TRDN: variants seen among roughly 807,000 people sequenced by gnomAD.
TRDN encodes the protein triadin, also known as triadin in skeletal muscle.
TRDN carries 161 observed loss-of-function variants against 149.7 expected under a neutral mutation model. The ratio of observed to expected loss-of-function variants is 1.08; its 90% CI spans 0.95 to 1.23. The LOEUF is 1.23. TRDN is among the 50% of genes most tolerant of loss of function. TRDN has a pLI of 0.00. For missense variants in TRDN, 896 were observed against 823.5 expected, an observed-to-expected ratio of 1.09 and a Z score of -1.08; for synonymous variants, 294 against 250.5, an observed-to-expected ratio of 1.17 and a Z score of -1.64.
chr6:123,377,994 G>T lies in TRDN; in HGVS notation c.1187-96C>A, dbSNP rs1781574413. 75 of 814,642 alleles carry T rather than the reference G, an allele frequency of 9.2e-5. 1 individual carries two copies. In the South Asian group the frequency reaches 1.3e-3, roughly 14 times the overall value. 50.5% of individuals were successfully genotyped at this position (814,642 alleles called of 1,614,324 possible). A position where few individuals can be genotyped will look rare whatever the true frequency, so the allele number is the denominator to read the frequency against. On this transcript the variant is annotated intron_variant, in intron 16 of 40. Transcript: ENST00000334268. ...TTTTAACACAAAGAAACATGCATGT[G>T]CTGATGCCAGATTGCAGCAACTAAT...
chr6:123,322,624 T>C (rs1051635518), intron 23 of TRDN, among the ~76,000 whole-genome samples: 1 of 103,322 alleles, frequency 9.7e-6, no homozygotes, highest in Non-Finnish European at 2.0e-5. Context: ...TTATTATTAT[T>C]ATTATTATTA....
chr6:123,546,031 A>G (rs905101691), intron 4 of TRDN, among the ~76,000 whole-genome samples: 1 of 152,096 alleles, frequency 6.6e-6, no homozygotes, highest in Non-Finnish European at 1.5e-5. Flanking sequence ...TCCATTTCCA[A>G]TGAAAATAAA....
intron 24 of TRDN, among the ~76,000 whole-genome samples, chr6:123,310,487 T>C (rs936341365): frequency 1.3e-5 from 2 of 152,042 alleles, no homozygotes; most frequent in Non-Finnish European, 2.9e-5. Context: ...TTTGATAATG[T>C]AGCTTTTATG....
At chr6:123,563,964 C>T (rs1415349877) in intron 2 of TRDN, among the ~76,000 whole-genome samples, 1 of 152,114 alleles carries the variant, frequency 6.6e-6, no homozygotes, top group Admixed American at 6.5e-5. Context: ...AAAACAATAT[C>T]CGGTTTTACC....
chr6:123,310,337 T>C (rs1778772690), intron 24 of TRDN, among the ~76,000 whole-genome samples: 1 of 152,018 alleles, frequency 6.6e-6, no homozygotes, highest in Admixed American at 6.6e-5. Context: ...GCAGCTGTGG[T>C]TGCCCACCAT....
At chr6:123,375,145 T>C (rs564165599) in intron 19 of TRDN, among the ~76,000 whole-genome samples, 2 of 152,262 alleles carry the variant, frequency 1.3e-5, no homozygotes, top group Admixed American at 1.3e-4. Context: ...TACTTCATAA[T>C]CCAAGAATAG....
rs958209522 is a variant in TRDN, at chr6:123,507,166, CT to C, written c.611-3266del. 2.3e-3 allele frequency among the ~76,000 whole-genome samples: 339 copies of C among 148,322 alleles called. 2 individuals are homozygous for C. The highest frequency in any genetic ancestry group is 6.9e-3 in the African/African-American group (279 of 40,634). ...TGTCTAAACCTGTTAAACTTGCCAA[CT>C]TTTTTTTTTGTTTATACTAATTTGT... On this transcript the variant is annotated intron_variant, in intron 7 of 40. Coordinates refer to ENST00000334268, the MANE Select transcript of TRDN (RefSeq NM_006073.4).
At chr6:123,271,211 C>A in intron 29 of TRDN, 25 bp from the exon 30 acceptor site, 2 of 1,496,206 alleles carry the variant, frequency 1.3e-6, no homozygotes, top group Non-Finnish European at 1.8e-6. Context: ...AATGTTAACA[C>A]AAGTAGGAAA....
intron 1 of TRDN, among the ~76,000 whole-genome samples, chr6:123,573,538 G>A (rs1314844901): frequency 6.6e-6 from 1 of 151,956 alleles, no homozygotes. Flanking sequence ...ATAAATGCAG[G>A]CATTTGTTTC....
chr6:123,389,624 T>C (rs1346796384), intron 13 of TRDN: 1 of 152,002 alleles, frequency 6.6e-6, no homozygotes, highest in African/African-American at 2.4e-5. Context: ...AGGAAGAAAA[T>C]GTATTTTAAT....
intron 10 of TRDN, among the ~76,000 whole-genome samples, chr6:123,440,393 A>C (rs1156567585): frequency 6.6e-6 from 1 of 152,244 alleles, no homozygotes; most frequent in African/African-American, 2.4e-5. Flanking sequence ...AGGTTTATGC[A>C]TATTAAACAT....
chr6:123,474,259 A>AT (rs1777343105), intron 9 of TRDN, among the ~76,000 whole-genome samples: 1 of 152,160 alleles, frequency 6.6e-6, no homozygotes, highest in East Asian at 1.9e-4. Context: ...TCTACCAAGC[A>AT]AATGGAAAAC....
At chr6:123,403,522 A>C (rs1316976520) in intron 12 of TRDN, among the ~76,000 whole-genome samples, 2 of 152,160 alleles carry the variant, frequency 1.3e-5, no homozygotes, top group South Asian at 2.1e-4. Flanking sequence ...AATATGGAAA[A>C]GTCTGGGAAA....
intron 38 of TRDN, among the ~76,000 whole-genome samples, chr6:123,226,010 T>C (rs1166058001): frequency 6.6e-6 from 1 of 151,840 alleles, no homozygotes. Context: ...AAATTTCGTC[T>C]AACAGGAAAG....
chr6:123,301,177 C>A (rs1462500215), intron 24 of TRDN, among the ~76,000 whole-genome samples: 2 of 151,966 alleles, frequency 1.3e-5, no homozygotes, highest in Non-Finnish European at 2.9e-5. Flanking sequence ...ACCTTTCCTC[C>A]TACCCCATTC....
chr6:123,378,276 T>C (rs994899399), intron 16 of TRDN, among the ~76,000 whole-genome samples: 11 of 152,172 alleles, frequency 7.2e-5, no homozygotes, highest in Admixed American at 7.2e-4. Flanking sequence ...TACAGCTTTT[T>C]AAGAAATTGC....
rs1781797080 is a variant in TRDN at position 123,558,416 on chromosome 6, C to T, written c.233-9804G>A. Among the ~76,000 whole-genome samples, 4 of 152,264 alleles carry T rather than the reference C, an allele frequency of 2.6e-5. No homozygotes were observed. The South Asian group carries it at 8.3e-4, about 32-fold the overall frequency. On this transcript the variant is annotated intron_variant, in intron 2 of 40. Coordinates refer to ENST00000334268, the MANE Select transcript of TRDN (RefSeq NM_006073.4). The stretch of plus-strand genomic sequence containing the variant: ...TTACAGTTGCATTCTGTGACTAGCC[C>T]TCCCCCACCTGCCCAGCAATTTCCT...
intron 26 of TRDN, among the ~76,000 whole-genome samples, chr6:123,277,964 T>C (rs1479885755): frequency 6.6e-6 from 1 of 152,196 alleles, no homozygotes; most frequent in African/African-American, 2.4e-5. Flanking sequence ...TTCAGAAATG[T>C]TCATCTGACT....
intron 7 of TRDN, among the ~76,000 whole-genome samples, chr6:123,508,933 T>A (rs1284569754): frequency 6.6e-6 from 1 of 152,132 alleles, no homozygotes; most frequent in Non-Finnish European, 1.5e-5. Flanking sequence ...AGAAACCACC[T>A]ATTACATAAA....
Sources: gnomAD v4.1 joint callset for allele counts (sites outside exome capture counted in the v4.1 genomes callset) on GRCh38, gnomAD v4.1.1 for gene constraint, MANE v1.5 for transcripts, NCBI Gene and HGNC (gene_info 2026-07-23, HGNC 2026-07-21) for gene names.